PKIG: variants seen among roughly 807,000 people sequenced by gnomAD.
The protein encoded by PKIG is cAMP-dependent protein kinase inhibitor gamma.
Under a neutral mutation model 6.8 loss-of-function variants are expected in PKIG, and 1 was observed. That is an observed-to-expected ratio of 0.15 (90% CI 0.05 to 0.69). PKIG has a LOEUF of 0.69. PKIG is among the 30% of genes least tolerant of loss of function. PKIG has a pLI of 0.82. For missense variants in PKIG, 77 were observed against 104.0 expected (o/e 0.74, Z 1.13); for synonymous variants, 39 against 43.0 (o/e 0.91, Z 0.36).
At chr20:44,559,025 C>T (rs1217935862) in intron 1 of PKIG, among the ~76,000 whole-genome samples, 1 of 152,290 alleles carries the variant, frequency 6.6e-6, no homozygotes, top group East Asian at 1.9e-4. Context: ...GAATGGCCCT[C>T]AGTATGTATA....
At chr20:44,571,188 C>T (rs897692741) in intron 1 of PKIG, among the ~76,000 whole-genome samples, 2 of 151,778 alleles carry the variant, frequency 1.3e-5, no homozygotes, top group East Asian at 1.9e-4. Context: ...GAGCTGAGAT[C>T]GTGCTCTCAC....
intron 1 of PKIG, among the ~76,000 whole-genome samples, chr20:44,542,092 C>T (rs571450397): frequency 3.3e-5 from 5 of 152,276 alleles, no homozygotes; most frequent in South Asian, 2.1e-4. Context: ...TAATAACTTA[C>T]GGAGCTTTCC....
At chr20:44,603,475 C>T (rs188072869) in intron 2 of PKIG, among the ~76,000 whole-genome samples, 5 of 152,122 alleles carry the variant, frequency 3.3e-5, no homozygotes, top group Admixed American at 2.0e-4. Flanking sequence ...CTGGGCTGGA[C>T]GAGCACCCTA....
intron 1 of PKIG, among the ~76,000 whole-genome samples, chr20:44,576,659 C>G (rs1484678899): frequency 6.6e-6 from 1 of 152,034 alleles, no homozygotes; most frequent in East Asian, 1.9e-4. Flanking sequence ...CATTCCTCAC[C>G]CCTAAAATGA....
upstream of PKIG, among the ~76,000 whole-genome samples, chr20:44,577,781 G>C (rs1055604468): frequency 3.9e-5 from 6 of 152,088 alleles, no homozygotes; most frequent in Admixed American, 1.3e-4. Context: ...AGTGGGTAGT[G>C]GTGGCCAGAA....
intron 1 of PKIG, among the ~76,000 whole-genome samples, chr20:44,584,323 A>G (rs2064971624): frequency 6.6e-6 from 1 of 151,522 alleles, no homozygotes; most frequent in African/African-American, 2.4e-5. Context: ...CATAGGTACA[A>G]AGGAGACACA....
chr20:44,561,073 C>T (rs1304296269), intron 1 of PKIG, among the ~76,000 whole-genome samples: 2 of 152,214 alleles, frequency 1.3e-5, no homozygotes, highest in Non-Finnish European at 2.9e-5. Context: ...TGTGATGGCT[C>T]ACGCCTGTAA....
At chr20:44,547,195 A>G (rs1215243754) in intron 1 of PKIG, among the ~76,000 whole-genome samples, 2 of 152,190 alleles carry the variant, frequency 1.3e-5, no homozygotes, top group Admixed American at 6.5e-5. Context: ...CTTTGAATTC[A>G]TTGTCAGTGG....
intron 1 of PKIG, among the ~76,000 whole-genome samples, chr20:44,555,889 ATAGTGCAATGG>A (rs2064708248): frequency 6.6e-6 from 1 of 152,026 alleles, no homozygotes; most frequent in Non-Finnish European, 1.5e-5. Context: ...CCAGGCTGGA[ATAGTGCAATGG>A]CGTGATCTCT....
In PKIG at chr20:44,607,818, G is replaced by C. The variant is rs1159157779; in HGVS notation, c.-23-6716G>C. Reference sequence around the variant, plus strand: ...TCCTGCCTCAGCCTCCCGAGTAGCTGGGACTACAGGCGCCCACTACCACGC... The same window carrying C: ...TCCTGCCTCAGCCTCCCGAGTAGCTCGGACTACAGGCGCCCACTACCACGC... On this transcript the variant is annotated intron_variant, in intron 2 of 3. Coordinates refer to ENST00000372886, the MANE Select transcript of PKIG (RefSeq NM_001281445.2). 3.3e-5 allele frequency among the ~76,000 whole-genome samples: 5 copies of C among 151,714 alleles called. No individual in the cohort carries two copies. The East Asian group carries it at 9.7e-4, about 29-fold the overall frequency.
chr20:44,532,894 C>T (rs1159966978), intron 1 of PKIG, among the ~76,000 whole-genome samples: 1 of 152,056 alleles, frequency 6.6e-6, no homozygotes, highest in Admixed American at 6.6e-5. Context: ...GGATTTCAGG[C>T]TAGCTGGAGA....
intron 1 of PKIG, among the ~76,000 whole-genome samples, chr20:44,545,950 C>G (rs2064609886): frequency 6.6e-6 from 1 of 151,728 alleles, no homozygotes; most frequent in African/African-American, 2.4e-5. Context: ...TGAACTTACT[C>G]TCAAGAAAAG....
intron 2 of PKIG, among the ~76,000 whole-genome samples, chr20:44,592,987 T>C (rs1219902699): frequency 1.3e-5 from 2 of 152,022 alleles, no homozygotes; most frequent in Non-Finnish European, 2.9e-5. Flanking sequence ...AGACCCCAAA[T>C]TACTAAGGCA....
upstream of PKIG, among the ~76,000 whole-genome samples, chr20:44,579,954 A>C (rs2064933570): frequency 6.6e-6 from 1 of 152,076 alleles, no homozygotes; most frequent in South Asian, 2.1e-4. Flanking sequence ...CTCCAAACTG[A>C]GTGTTGCTGC....
upstream of PKIG, among the ~76,000 whole-genome samples, chr20:44,578,548 C>T (rs773719769): frequency 6.6e-6 from 1 of 151,598 alleles, no homozygotes; most frequent in Non-Finnish European, 1.5e-5. Flanking sequence ...CCTGGCACTT[C>T]TCCCTCTCAC....
intron 3 of PKIG, among the ~76,000 whole-genome samples, chr20:44,615,401 G>A (rs554604457): frequency 2.6e-5 from 4 of 152,356 alleles, no homozygotes; most frequent in African/African-American, 4.8e-5. Context: ...TGTGAGCGCC[G>A]GGAGGGCAGA....
intron 1 of PKIG, among the ~76,000 whole-genome samples, chr20:44,559,487 A>G (rs1451413196): frequency 2.6e-5 from 4 of 152,216 alleles, no homozygotes; most frequent in Admixed American, 2.6e-4. Flanking sequence ...AGGCCAGGGA[A>G]TCATCATCCT....
At chr20:44,617,221 G>C (rs2065273224) in intron 3 of PKIG, among the ~76,000 whole-genome samples, 1 of 152,164 alleles carries the variant, frequency 6.6e-6, no homozygotes, top group Admixed American at 6.5e-5. Context: ...TAGCCTGAAG[G>C]ATAAAAAGGT....
In PKIG at chr20:44,548,704, C is replaced by T. The variant is rs3091946; in HGVS notation, c.-241+16726C>T. Among the ~76,000 whole-genome samples the T allele has an allele frequency of 3.1e-3, 478 of 152,250 alleles. 1 individual carries two copies. Among genetic ancestry groups the T allele is most frequent in the African/African-American group, 0.011 (447 of 41,548 alleles). ...GCTCAACTCCTAATTAAAGATAGCT[C>T]TGTCATCCACACATCACTTAGCTAC... On this transcript the variant is annotated intron_variant, in intron 1 of 4. Transcript: ENST00000372887.
Sources: allele counts gnomAD v4.1 joint callset (sites outside exome capture counted in the v4.1 genomes callset), GRCh38; gene constraint gnomAD v4.1.1; transcripts MANE v1.5; gene names NCBI Gene and HGNC (gene_info 2026-07-23, HGNC 2026-07-21).